The following MYO5B variants were observed in gnomAD, a reference collection of about 807,000 sequenced individuals.
The protein encoded by MYO5B is unconventional myosin-Vb.
MYO5B carries 143 observed loss-of-function variants against 229.3 expected under a neutral mutation model. The observed-to-expected ratio is 0.62, with a 90% CI of 0.54 to 0.72. The LOEUF (loss-of-function observed/expected upper bound fraction) is 0.72. Among genes scored for constraint, MYO5B ranks in the 30% least tolerant of loss-of-function variants. The pLI, the probability that MYO5B is intolerant of heterozygous loss-of-function variation, is 0.00. For synonymous variants in MYO5B, 918 were observed against 885.2 expected (o/e 1.04, Z -0.66); for missense variants, 2,321 against 2,331.0 (o/e 1.00, Z 0.09).
intron 1 of MYO5B, among the ~76,000 whole-genome samples, chr18:50,179,520 G>A (rs1210084242): frequency 6.6e-6 from 1 of 152,174 alleles, no homozygotes; most frequent in East Asian, 1.9e-4. Context: ...TAATGACAGG[G>A]ACAACGGTGC....
chr18:50,109,083 A>G (rs1599027024), intron 1 of MYO5B, among the ~76,000 whole-genome samples: 1 of 152,044 alleles, frequency 6.6e-6, no homozygotes, highest in East Asian at 1.9e-4. Context: ...AGCCCTAGAA[A>G]CCCTATCTTC....
At chr18:50,180,148 G>A (rs538418016) in intron 1 of MYO5B, among the ~76,000 whole-genome samples, 1 of 152,262 alleles carries the variant, frequency 6.6e-6, no homozygotes, top group African/African-American at 2.4e-5. Context: ...TTAGGTGAGA[G>A]GACCAGATCC....
chr18:50,006,030 C>T (rs577591579), intron 4 of MYO5B, among the ~76,000 whole-genome samples: 5 of 152,286 alleles, frequency 3.3e-5, no homozygotes, highest in South Asian at 2.1e-4. Context: ...TTTCACCTGC[C>T]GTGTGACTTT....
chr18:50,191,317 G>A, intron 1 of MYO5B, among the ~76,000 whole-genome samples: 1 of 152,218 alleles, frequency 6.6e-6, no homozygotes, highest in South Asian at 2.1e-4. Context: ...CCCATTAACA[G>A]AGCAAGGTGC....
chr18:50,119,974 T>C (rs1415340543), intron 1 of MYO5B, among the ~76,000 whole-genome samples: 2 of 151,064 alleles, frequency 1.3e-5, no homozygotes, highest in Admixed American at 6.6e-5. Flanking sequence ...AAGTTGAATA[T>C]TGTGCTCCCT....
intron 2 of MYO5B, among the ~76,000 whole-genome samples, chr18:50,054,575 A>T (rs1334810774): frequency 6.6e-6 from 1 of 152,226 alleles, no homozygotes; most frequent in East Asian, 1.9e-4. Flanking sequence ...TTGCAGAGGC[A>T]GTGGTCACAA....
intron 1 of MYO5B, among the ~76,000 whole-genome samples, chr18:50,093,492 T>C (rs996515512): frequency 6.6e-6 from 1 of 152,112 alleles, no homozygotes; most frequent in Non-Finnish European, 1.5e-5. Context: ...CATCATGCAG[T>C]TGTTGGAGGC....
At chr18:50,112,221 G>C (rs1807203224) in intron 1 of MYO5B, among the ~76,000 whole-genome samples, 1 of 152,184 alleles carries the variant, frequency 6.6e-6, no homozygotes. Flanking sequence ...ATAGTAAAGA[G>C]AATTGAAGCC....
intron 1 of MYO5B, among the ~76,000 whole-genome samples, chr18:50,162,767 CAGCA>C (rs2032787150): frequency 6.6e-6 from 1 of 152,232 alleles, no homozygotes; most frequent in African/African-American, 2.4e-5. Flanking sequence ...CTTTCTGAGG[CAGCA>C]CCATCTGCAA....
intron 14 of MYO5B, among the ~76,000 whole-genome samples, chr18:49,949,864 G>T (rs753685077): frequency 1.3e-5 from 2 of 152,028 alleles, no homozygotes; most frequent in Non-Finnish European, 2.9e-5. Context: ...GCCTCATAGG[G>T]CTACTATGAA....
intron 1 of MYO5B, among the ~76,000 whole-genome samples, chr18:50,100,362 C>G (rs1364493086): frequency 2.6e-5 from 4 of 152,184 alleles, no homozygotes; most frequent in Non-Finnish European, 4.4e-5. Context: ...GAGAGAATAA[C>G]CTTTTCAGAC....
At chr18:50,140,335 C>G (rs951745215) in intron 1 of MYO5B, among the ~76,000 whole-genome samples, 5 of 152,204 alleles carry the variant, frequency 3.3e-5, no homozygotes, top group African/African-American at 9.7e-5. Context: ...CAACTCTTCC[C>G]AAACATGGTG....
chr18:49,910,566 T>C (rs534388920), intron 18 of MYO5B, among the ~76,000 whole-genome samples: 66 of 151,306 alleles, frequency 4.4e-4, no homozygotes, highest in African/African-American at 1.5e-3. Context: ...CCTTACCCTG[T>C]TTAAAAAAAA....
rs1409583746 is a variant in MYO5B at position 49,974,397 on chromosome 18, G to A, written c.1275C>T (p.His425=). 1.9e-6 allele frequency: 3 copies of A among 1,614,184 alleles called. No homozygotes were observed. Residue 425 remains histidine, a synonymous_variant, in exon 10 of 40, where the codon CAC becomes CAT. Transcript: ENST00000285039. The part of the protein sequence containing the change: ...WIVEHINKAL[H]TSLKQHSFIG... ...TGAAGGAGTGCTGCTTGAGGGAGGT[G>A]TGCAGGGCCTTGTTGATGTGCTCCA... is the stretch of plus-strand genomic sequence containing the variant.
intron 5 of MYO5B, among the ~76,000 whole-genome samples, chr18:49,998,057 G>T (rs113487565): frequency 0.017 from 2,587 of 152,194 alleles, 73 homozygotes; most frequent in African/African-American, 0.06. Flanking sequence ...GAAAAGTCGT[G>T]TTTTCAGACT....
At chr18:49,926,002 C>T (rs2025124839) in intron 17 of MYO5B, among the ~76,000 whole-genome samples, 1 of 152,192 alleles carries the variant, frequency 6.6e-6, no homozygotes, top group Non-Finnish European at 1.5e-5. Flanking sequence ...ACCTCATTAA[C>T]AGAGTTGTTA....
intron 1 of MYO5B, among the ~76,000 whole-genome samples, chr18:50,087,645 T>C (rs1429906258): frequency 6.6e-6 from 1 of 152,008 alleles, no homozygotes; most frequent in African/African-American, 2.4e-5. Flanking sequence ...TAACCGCCTG[T>C]GTCTGTCATC....
intron 1 of MYO5B, among the ~76,000 whole-genome samples, chr18:50,177,274 A>G (rs2033010812): frequency 6.6e-6 from 1 of 152,168 alleles, no homozygotes; most frequent in African/African-American, 2.4e-5. Context: ...AGGAAAATAG[A>G]CGCCTCCATA....
rs2023812414 is a variant in MYO5B, at chr18:49,824,266, T to C, written c.*2205A>G. 6.6e-6 allele frequency: 1 copy of C among 152,286 alleles called. No individual in the cohort carries two copies. The highest frequency in any genetic ancestry group is 1.5e-5 in the Non-Finnish European group (1 of 68,054). 9.4% of individuals were successfully genotyped at this position (152,286 alleles called of 1,614,324 possible). A position where few individuals can be genotyped will look rare whatever the true frequency, so the allele number is the denominator to read the frequency against. On this transcript the variant is annotated 3_prime_UTR_variant, in exon 40 of 40. Coordinates refer to ENST00000285039, the MANE Select transcript of MYO5B (RefSeq NM_001080467.3). ...CTAAATATTAACTACATATAAAGTA[T>C]ATATTTGTTAGTCATCTGTAAGTTT...
Sources: gnomAD v4.1 joint callset for allele counts (sites outside exome capture counted in the v4.1 genomes callset) on GRCh38, gnomAD v4.1.1 for gene constraint, MANE v1.5 for transcripts, NCBI Gene and HGNC (gene_info 2026-07-23, HGNC 2026-07-21) for gene names.